The following SPCS2 variants were observed in gnomAD, a reference collection of about 807,000 sequenced individuals.
The protein encoded by SPCS2 is signal peptidase complex subunit 2, also known as SPase 25 kDa subunit.
A neutral mutation model predicts 22.3 loss-of-function variants in SPCS2; 3 were observed. The ratio of observed to expected loss-of-function variants is 0.13; its 90% CI spans 0.06 to 0.35. SPCS2 has a LOEUF of 0.35. Among genes scored for constraint, SPCS2 ranks in the 10% least tolerant of loss-of-function variants. The pLI, the probability that SPCS2 is intolerant of heterozygous loss-of-function variation, is 1.00. For synonymous variants in SPCS2, 67 were observed against 97.2 expected, an observed-to-expected ratio of 0.69 and a Z score of 1.83; for missense variants, 169 against 280.9, an observed-to-expected ratio of 0.60 and a Z score of 2.85.
At chr11:74,967,355 A>G (rs1934493538) in intron 3 of SPCS2, among the ~76,000 whole-genome samples, 1 of 152,194 alleles carries the variant, frequency 6.6e-6, no homozygotes, top group Non-Finnish European at 1.5e-5. Context: ...CAAGAGAACT[A>G]CCTTGATGGT....
At chr11:74,974,004 T>G (rs992636796) in intron 4 of SPCS2, among the ~76,000 whole-genome samples, 2 of 152,100 alleles carry the variant, frequency 1.3e-5, no homozygotes, top group African/African-American at 4.8e-5. Context: ...TCTCCTCATT[T>G]CTCTGCTCTC....
At chr11:74,951,391 C>G (rs1052223925) in intron 1 of SPCS2, among the ~76,000 whole-genome samples, 10 of 152,008 alleles carry the variant, frequency 6.6e-5, no homozygotes, top group African/African-American at 2.4e-4. Flanking sequence ...CTCAGAATAG[C>G]CAAATATAGG....
intron 1 of SPCS2, among the ~76,000 whole-genome samples, chr11:74,955,852 AT>A (rs1247377593): frequency 6.0e-4 from 11 of 18,460 alleles, no homozygotes; most frequent in African/African-American, 3.8e-3. Flanking sequence ...ACTAATTAAA[AT>A]ATATATATAT....
intron 1 of SPCS2, among the ~76,000 whole-genome samples, chr11:74,963,318 A>G (rs895792155): frequency 3.3e-5 from 5 of 152,078 alleles, no homozygotes; most frequent in African/African-American, 1.2e-4. Context: ...TTGCTTTTAC[A>G]GGGCACCAAG....
intron 1 of SPCS2, chr11:74,963,775 CT>C (rs1264547600): frequency 5.5e-6 from 1 of 183,414 alleles, no homozygotes; most frequent in East Asian, 1.7e-4. Flanking sequence ...CATTCTCTGT[CT>C]TTCAGTAAAA....
At chr11:74,954,634 T>C (rs1343818387) in intron 1 of SPCS2, among the ~76,000 whole-genome samples, 2 of 152,132 alleles carry the variant, frequency 1.3e-5, no homozygotes, top group Non-Finnish European at 2.9e-5. Context: ...ACTATAATTG[T>C]GTGTGTGTGT....
At chr11:74,970,161 CAT>C (rs1565487609) in intron 4 of SPCS2, among the ~76,000 whole-genome samples, 1 of 152,160 alleles carries the variant, frequency 6.6e-6, no homozygotes, top group East Asian at 1.9e-4. Context: ...AGCTGACACA[CAT>C]GTGTTTTGTA....
intron 3 of SPCS2, 102 bp from the exon 4 acceptor site, chr11:74,969,463 T>A: frequency 9.0e-7 from 1 of 1,114,662 alleles, no homozygotes; most frequent in South Asian, 1.5e-5. Context: ...CAAAGCTGTC[T>A]TCTTTAGGAC....
At chr11:74,954,993 GA>G (rs1948468437) in intron 1 of SPCS2, among the ~76,000 whole-genome samples, 2 of 152,058 alleles carry the variant, frequency 1.3e-5, no homozygotes, top group African/African-American at 4.8e-5. Context: ...AGTCATTAGA[GA>G]AATGCAAAGT....
At chr11:74,963,544 ATTG>A in intron 1 of SPCS2, 1 of 403,660 alleles carries the variant, frequency 2.5e-6, no homozygotes, top group Non-Finnish European at 4.8e-6. Flanking sequence ...TTTATTTTTT[ATTG>A]TTTGTTTGTT....
At chr11:74,970,962 A>G (rs769415096) in intron 4 of SPCS2, among the ~76,000 whole-genome samples, 9 of 152,212 alleles carry the variant, frequency 5.9e-5, no homozygotes, top group African/African-American at 1.2e-4. Flanking sequence ...AGTCAATTTT[A>G]GAGCATTTTC....
intron 3 of SPCS2, among the ~76,000 whole-genome samples, chr11:74,968,958 C>T (rs559962958): frequency 6.6e-6 from 1 of 152,292 alleles, no homozygotes; most frequent in East Asian, 1.9e-4. Context: ...TGTGAGCCAT[C>T]GTGCCCAGCC....
chr11:74,957,419 A>G (rs993276394), intron 1 of SPCS2, among the ~76,000 whole-genome samples: 2 of 152,164 alleles, frequency 1.3e-5, no homozygotes, highest in East Asian at 1.9e-4. Context: ...ACTCAGCTGC[A>G]TTTTTCAGAA....
At chr11:74,970,215 T>C (rs1424515607) in intron 4 of SPCS2, among the ~76,000 whole-genome samples, 2 of 152,248 alleles carry the variant, frequency 1.3e-5, no homozygotes, top group Non-Finnish European at 2.9e-5. Flanking sequence ...AGTTTCTTTC[T>C]AGCTGTATAA....
chr11:74,970,342 T>G lies in SPCS2; in HGVS notation c.494+643T>G, dbSNP rs2140220201. Among the ~76,000 whole-genome samples the G allele has an allele frequency of 2.6e-5, 4 of 152,344 alleles. 1 individual carries two copies. Among genetic ancestry groups the G allele is most frequent in the Middle Eastern group, 6.8e-3 (2 of 294 alleles). Reference sequence around the variant, plus strand: ...TAGCAAATGTTTATTGAACATTTACTGTATGTTGGGTATTCTGCTAAATGC... The same window carrying G: ...TAGCAAATGTTTATTGAACATTTACGGTATGTTGGGTATTCTGCTAAATGC... On this transcript the variant is annotated intron_variant, in intron 4 of 4. Coordinates refer to ENST00000263672, the MANE Select transcript of SPCS2 (RefSeq NM_014752.3).
intron 1 of SPCS2, chr11:74,963,575 A>C (rs145372328): frequency 4.8e-6 from 2 of 418,142 alleles, no homozygotes; most frequent in African/African-American, 2.1e-5. Flanking sequence ...TTGTTTATTT[A>C]TTTATTTATT....
rs1448762686 is a variant in SPCS2 at position 74,977,946 on chromosome 11, GT to G, written c.*904del. The G allele has an allele frequency of 6.6e-6, 1 of 152,146 alleles. No individual in the cohort carries two copies. The highest frequency in any genetic ancestry group is 6.5e-5 in the Admixed American group (1 of 15,270). 9.4% of individuals were successfully genotyped at this position (152,146 alleles called of 1,614,324 possible). On this transcript the variant is annotated 3_prime_UTR_variant, in exon 5 of 5. Transcript: ENST00000263672. ...CAGAAATGCTCCAAGTACTTTACATGTGTTAATAATGCTCACAGCAATCCTA... is the reference window on the plus strand; with the variant it reads ...CAGAAATGCTCCAAGTACTTTACATGGTTAATAATGCTCACAGCAATCCTA...
chr11:74,961,960 A>G (rs1211357955), intron 1 of SPCS2, among the ~76,000 whole-genome samples: 2 of 152,204 alleles, frequency 1.3e-5, no homozygotes, highest in Non-Finnish European at 1.5e-5. Context: ...CAGTTTTATA[A>G]TGAGCCATGT....
intron 4 of SPCS2, among the ~76,000 whole-genome samples, chr11:74,971,695 T>C (rs769166577): frequency 3.9e-5 from 6 of 152,194 alleles, no homozygotes; most frequent in Admixed American, 6.5e-5. Flanking sequence ...TTTCACAGAC[T>C]ACTAGTTGCC....
Sources: gnomAD v4.1 joint callset for allele counts (sites outside exome capture counted in the v4.1 genomes callset) on GRCh38, gnomAD v4.1.1 for gene constraint, MANE v1.5 for transcripts, NCBI Gene and HGNC (gene_info 2026-07-23, HGNC 2026-07-21) for gene names.